The following TSHZ3 variants were observed in gnomAD, a reference collection of about 807,000 sequenced individuals.
TSHZ3 encodes teashirt zinc finger homeobox 3, also known as teashirt homolog 3.
In TSHZ3, 10 loss-of-function variants were observed where a neutral mutation model predicts 64.5. The ratio of observed to expected loss-of-function variants is 0.16; its 90% CI spans 0.10 to 0.26. TSHZ3 has a LOEUF of 0.26. Ranked by LOEUF, TSHZ3 falls within the 10% of genes least tolerant of loss-of-function variation. The pLI is 1.00. For synonymous variants in TSHZ3, 608 were observed against 593.1 expected (o/e 1.03, Z -0.36); for missense variants, 1,242 against 1,421.7 (o/e 0.87, Z 2.03).
intron 5 of TSHZ3, among the ~76,000 whole-genome samples, chr19:31,162,691 T>C (rs1974387100): frequency 6.6e-6 from 1 of 152,194 alleles, no homozygotes; most frequent in Non-Finnish European, 1.5e-5. Context: ...TAACAAGTGC[T>C]GTGAAATGTC....
At chr19:31,240,197 T>A (rs1423256922) in intron 3 of TSHZ3, among the ~76,000 whole-genome samples, 1 of 152,142 alleles carries the variant, frequency 6.6e-6, no homozygotes, top group African/African-American at 2.4e-5. Flanking sequence ...GTTCTCATAT[T>A]TTTTGGTCCC....
chr19:31,149,981 T>A (rs1974218156), exon 7 of TSHZ3, among the ~76,000 whole-genome samples: 1 of 152,214 alleles, frequency 6.6e-6, no homozygotes, highest in South Asian at 2.1e-4. Context: ...TTACTGCAAT[T>A]ATAATATGTT....
intron 1 of TSHZ3, among the ~76,000 whole-genome samples, chr19:31,337,649 C>G (rs747307598): frequency 2.6e-5 from 4 of 151,820 alleles, no homozygotes; most frequent in African/African-American, 4.8e-5. Context: ...TGGACAACAC[C>G]AAAAGTAAAT....
At chr19:31,296,270 C>A (rs1301849862) in intron 1 of TSHZ3, among the ~76,000 whole-genome samples, 3 of 149,740 alleles carry the variant, frequency 2.0e-5, no homozygotes, top group Non-Finnish European at 3.0e-5. Flanking sequence ...GGGTGCCCTT[C>A]TGCACCGTCT....
chr19:31,156,514 C>G (rs551484957), intron 5 of TSHZ3, among the ~76,000 whole-genome samples: 1 of 152,122 alleles, frequency 6.6e-6, no homozygotes, highest in African/African-American at 2.4e-5. Flanking sequence ...CCACCCAGGG[C>G]ATCTATTTAA....
chr19:31,269,131 A>T (rs1314467727), intron 1 of TSHZ3, among the ~76,000 whole-genome samples: 1 of 151,974 alleles, frequency 6.6e-6, no homozygotes, highest in Non-Finnish European at 1.5e-5. Flanking sequence ...AACTCATTTG[A>T]CTGGGTTGCA....
Position 31,349,279 on chromosome 19 carries a change from G to A in TSHZ3, c.-60C>T, listed in dbSNP as rs1599666118. On this transcript the variant is annotated 5_prime_UTR_variant, in exon 1 of 2. Transcript: ENST00000240587. ...CCGCCGCTGCCGGGCTGAGGACAGG[G>A]AGGGAGGGGGCGGCGGGCCCGCGGG... 2 of 1,342,928 alleles carry A rather than the reference G, an allele frequency of 1.5e-6. No homozygotes were observed. The highest frequency in any genetic ancestry group is 3.4e-5 in the Admixed American group (1 of 29,138). The allele number at this position is 1,342,928 out of a possible 1,614,324, so 83.2% of individuals were successfully genotyped here. A position where few individuals can be genotyped will look rare whatever the true frequency, so the allele number is the denominator to read the frequency against.
At chr19:31,247,364 C>A (rs924082688) in intron 1 of TSHZ3, among the ~76,000 whole-genome samples, 1 of 152,078 alleles carries the variant, frequency 6.6e-6, no homozygotes, top group Non-Finnish European at 1.5e-5. Context: ...CATCTTGTGC[C>A]CCCTGACAGG....
At chr19:31,219,788 T>C (rs1266339901) in intron 4 of TSHZ3, among the ~76,000 whole-genome samples, 1 of 149,614 alleles carries the variant, frequency 6.7e-6, no homozygotes, top group South Asian at 2.1e-4. Context: ...TGAATATATA[T>C]GTGTATAGAT....
At chr19:31,290,022 C>T (rs1369664124) in intron 1 of TSHZ3, among the ~76,000 whole-genome samples, 2 of 152,184 alleles carry the variant, frequency 1.3e-5, no homozygotes, top group Non-Finnish European at 2.9e-5. Context: ...GCTGTACAAA[C>T]GTGCTGCACA....
chr19:31,164,297 T>A (rs1048682088), intron 5 of TSHZ3, among the ~76,000 whole-genome samples: 8 of 152,150 alleles, frequency 5.3e-5, no homozygotes, highest in Non-Finnish European at 4.4e-5. Flanking sequence ...GGGGACGCGC[T>A]GTTGACCTGG....
intron 5 of TSHZ3, among the ~76,000 whole-genome samples, chr19:31,179,778 AATGGTGGTG>A (rs1371947201): frequency 7.2e-6 from 1 of 139,500 alleles, no homozygotes; most frequent in African/African-American, 2.7e-5. Context: ...GGGTGATGAT[AATGGTGGTG>A]ATGGTGGTGG....
rs1976234495 is a variant in TSHZ3 at position 31,276,481 on chromosome 19, G to A, written c.*66C>T. On this transcript the variant is annotated 3_prime_UTR_variant, in exon 2 of 2. Transcript: ENST00000240587. Reference sequence around the variant, plus strand: ...GTGCCAAGAACAACAAGTCAGAGGGGGCCTGAAGGTGCCTTCCACAGTTTC... The same window carrying A: ...GTGCCAAGAACAACAAGTCAGAGGGAGCCTGAAGGTGCCTTCCACAGTTTC... 4 of 1,412,580 alleles carry A rather than the reference G, an allele frequency of 2.8e-6. No individual in the cohort carries two copies. In the South Asian group the frequency reaches 5.6e-5, roughly 20 times the overall value. The allele number at this position is 1,412,580 out of a possible 1,614,324, so 87.5% of individuals were successfully genotyped here.
At chr19:31,167,116 T>G (rs1306016807) in intron 5 of TSHZ3, among the ~76,000 whole-genome samples, 1 of 152,324 alleles carries the variant, frequency 6.6e-6, no homozygotes, top group South Asian at 2.1e-4. Flanking sequence ...TTTGAGAAGA[T>G]GGACTGGAAA....
At chr19:31,300,417 T>A (rs1013004510) in intron 1 of TSHZ3, among the ~76,000 whole-genome samples, 2 of 152,230 alleles carry the variant, frequency 1.3e-5, no homozygotes, top group African/African-American at 4.8e-5. Context: ...TTGGGGCAGT[T>A]GGATATGATT....
intron 1 of TSHZ3, among the ~76,000 whole-genome samples, chr19:31,250,563 T>C (rs1215276590): frequency 6.6e-6 from 1 of 152,230 alleles, no homozygotes; most frequent in African/African-American, 2.4e-5. Flanking sequence ...CAGTGCATTG[T>C]AATAAGCAAA....
intron 1 of TSHZ3, among the ~76,000 whole-genome samples, chr19:31,267,100 T>A (rs774994717): frequency 8.5e-5 from 13 of 152,238 alleles, no homozygotes; most frequent in Non-Finnish European, 1.6e-4. Flanking sequence ...ACTACATACA[T>A]GTCTCCTCTC....
chr19:31,279,669 A>G lies in TSHZ3; in HGVS notation c.124T>C (p.Ser42Pro), dbSNP rs1258097874. ...PEEHTADGEP[S>P]AKYMCPEKEL... ...TTCTCCGGGCACATGTACTTGGCCG[A>G]GGGCTCTCCATCTGCCGTATGCTCC... The change falls in exon 2 of 2, where the codon TCG becomes CCG. Residue 42 changes from serine (S) to proline (P), a missense_variant. By Grantham distance (74) the Ser-to-Pro change is moderately conservative (BLOSUM62 -1). Around this residue, in one of 4 missense-constraint regions of TSHZ3, gnomAD observed 555 missense variants for 704.0 expected, o/e 0.79. Coordinates refer to ENST00000240587, the MANE Select transcript of TSHZ3 (RefSeq NM_020856.4). The surrounding 1 kb of genome is among the most constrained non-coding windows in gnomAD (Gnocchi z 6.4). The G allele has an allele frequency of 1.3e-6, 2 of 1,593,848 alleles. No individual in the cohort carries two copies. Among genetic ancestry groups the G allele is most frequent in the African/African-American group, 2.7e-5 (2 of 74,348 alleles).
intron 1 of TSHZ3, among the ~76,000 whole-genome samples, chr19:31,301,993 T>C (rs1029789459): frequency 6.6e-6 from 1 of 152,172 alleles, no homozygotes; most frequent in Admixed American, 6.5e-5. Flanking sequence ...TTAGTTCTAA[T>C]GCTTGTGAGC....
Sources: allele counts gnomAD v4.1 joint callset (sites outside exome capture counted in the v4.1 genomes callset), GRCh38; gene constraint gnomAD v4.1.1; regional missense constraint gnomAD v4.1.1; non-coding constraint Gnocchi (gnomAD v3.1); transcripts MANE v1.5; gene names NCBI Gene and HGNC (gene_info 2026-07-23, HGNC 2026-07-21).